The following SHISA9 variants were observed in gnomAD, a reference collection of about 807,000 sequenced individuals.
SHISA9 encodes the protein shisa family member 9, also known as protein shisa-9.
Under a neutral mutation model 38.0 loss-of-function variants are expected in SHISA9, and 13 were observed. The ratio of observed to expected loss-of-function variants is 0.34; its 90% CI spans 0.22 to 0.54. The LOEUF (loss-of-function observed/expected upper bound fraction) is 0.54, where lower values mean the gene tolerates loss of function less well. Ranked by LOEUF, SHISA9 falls within the 20% of genes least tolerant of loss-of-function variation. The pLI is 0.91. For missense variants in SHISA9, 538 were observed against 575.8 expected, an observed-to-expected ratio of 0.93 and a Z score of 0.67; for synonymous variants, 275 against 242.0, an observed-to-expected ratio of 1.14 and a Z score of -1.27.
the SHISA9 span, among the ~76,000 whole-genome samples, chr16:13,518,095 G>C: frequency 5.4e-4 from 82 of 152,224 alleles, 2 homozygotes; most frequent in East Asian, 0.015. Context: ...GTCTCTCCCT[G>C]CTTCTCCCCA....
intron 2 of SHISA9, among the ~76,000 whole-genome samples, chr16:13,039,489 T>G (rs960751860): frequency 6.5e-5 from 8 of 122,314 alleles, no homozygotes; most frequent in South Asian, 5.2e-4. Context: ...CATGGGGTTT[T>G]TTTTTTTTTT....
At chr16:13,206,800 C>T (rs1374414778) in intron 3 of SHISA9, among the ~76,000 whole-genome samples, 3 of 152,178 alleles carry the variant, frequency 2.0e-5, no homozygotes, top group African/African-American at 7.2e-5. Context: ...ACCACAGATT[C>T]CTTCTATTCC....
chr16:13,425,416 G>T, the SHISA9 span, among the ~76,000 whole-genome samples: 6 of 152,354 alleles, frequency 3.9e-5, no homozygotes, highest in African/African-American at 1.4e-4. Context: ...GAACCCAGGA[G>T]GTGTAGATTG....
intron 2 of SHISA9, among the ~76,000 whole-genome samples, chr16:12,930,800 T>C (rs905074154): frequency 6.6e-6 from 1 of 152,192 alleles, no homozygotes; most frequent in Non-Finnish European, 1.5e-5. Context: ...TTAACTATTA[T>C]TTTTAAAAGA....
chr16:13,558,131 C>G, the SHISA9 span, among the ~76,000 whole-genome samples: 6 of 151,792 alleles, frequency 4.0e-5, no homozygotes, highest in Admixed American at 1.3e-4. Flanking sequence ...TTCTACAGCT[C>G]TTACCAAATC....
chr16:13,057,196 G>A (rs2073321056), intron 2 of SHISA9, among the ~76,000 whole-genome samples: 1 of 152,156 alleles, frequency 6.6e-6, no homozygotes, highest in Non-Finnish European at 1.5e-5. Flanking sequence ...AGCTGTGGCA[G>A]CCTCCAGGGA....
chr16:13,155,657 G>C (rs2050538337), intron 2 of SHISA9, among the ~76,000 whole-genome samples: 1 of 152,080 alleles, frequency 6.6e-6, no homozygotes, highest in African/African-American at 2.4e-5. Context: ...CACTGTGCTA[G>C]TCAAGGTACC....
At chr16:13,425,686 T>C in the SHISA9 span, among the ~76,000 whole-genome samples, 4 of 152,086 alleles carry the variant, frequency 2.6e-5, no homozygotes, top group African/African-American at 9.7e-5. Context: ...TAAAAATAAA[T>C]ACCTTTTTAA....
chr16:13,494,906 A>G, the SHISA9 span, among the ~76,000 whole-genome samples: 5 of 152,314 alleles, frequency 3.3e-5, no homozygotes, highest in Non-Finnish European at 7.4e-5. Context: ...TGTTCTGTCT[A>G]TACATTGATA....
chr16:13,351,077 G>C, the SHISA9 span, among the ~76,000 whole-genome samples: 2 of 152,138 alleles, frequency 1.3e-5, no homozygotes, highest in Non-Finnish European at 2.9e-5. Flanking sequence ...TATATGAATT[G>C]TCTCAATTTT....
At chr16:13,268,497 A>G in the SHISA9 span, among the ~76,000 whole-genome samples, 5 of 151,508 alleles carry the variant, frequency 3.3e-5, no homozygotes. Flanking sequence ...TGACAAAAGC[A>G]AAACTCGGTC....
chr16:12,992,564 A>C (rs750252353), intron 2 of SHISA9, among the ~76,000 whole-genome samples: 1 of 151,900 alleles, frequency 6.6e-6, no homozygotes, highest in Non-Finnish European at 1.5e-5. Context: ...CAAAAAACCC[A>C]AAACAAAAAT....
the SHISA9 span, among the ~76,000 whole-genome samples, chr16:13,264,328 C>A: frequency 2.0e-5 from 3 of 152,004 alleles, no homozygotes; most frequent in African/African-American, 4.8e-5. Context: ...GTGGACGCCA[C>A]CATGCCTAAA....
chr16:12,930,310 TGTGGACTAAACCTTCA>T (rs1166201492), intron 2 of SHISA9, among the ~76,000 whole-genome samples: 1 of 152,242 alleles, frequency 6.6e-6, no homozygotes, highest in Non-Finnish European at 1.5e-5. Flanking sequence ...TCTTATTTCT[TGTGGACTAAACCTTCA>T]GTGCTGTTAT....
chr16:12,950,737 T>G (rs1324169311), intron 2 of SHISA9, among the ~76,000 whole-genome samples: 1 of 151,290 alleles, frequency 6.6e-6, no homozygotes, highest in Non-Finnish European at 1.5e-5. Context: ...GCCTCCTGAG[T>G]AGCTGGGATT....
chr16:13,167,223 C>T (rs1282397580), intron 2 of SHISA9, among the ~76,000 whole-genome samples: 1 of 151,916 alleles, frequency 6.6e-6, no homozygotes, highest in African/African-American at 2.4e-5. Context: ...CAGGCATGCA[C>T]CGCCACACCT....
the SHISA9 span, among the ~76,000 whole-genome samples, chr16:13,388,419 C>G: frequency 2.0e-5 from 3 of 151,502 alleles, no homozygotes; most frequent in African/African-American, 7.3e-5. Flanking sequence ...TCAAGCAATT[C>G]TCCTGCCTCA....
At chr16:12,904,152 A>G (rs996513888) in intron 1 of SHISA9, among the ~76,000 whole-genome samples, 9 of 152,150 alleles carry the variant, frequency 5.9e-5, no homozygotes, top group Admixed American at 3.3e-4. Flanking sequence ...CCCCAGCCCC[A>G]CCGGCCAGGC....
At chr16:13,527,447 G>A in the SHISA9 span, among the ~76,000 whole-genome samples, 1 of 152,344 alleles carries the variant, frequency 6.6e-6, no homozygotes, top group East Asian at 1.9e-4. Context: ...CCAGAGTTGA[G>A]AGGGGCAGAG....
Sources: gnomAD v4.1 joint callset for allele counts (sites outside exome capture counted in the v4.1 genomes callset) on GRCh38, gnomAD v4.1.1 for gene constraint, MANE v1.5 for transcripts, NCBI Gene and HGNC (gene_info 2026-07-23, HGNC 2026-07-21) for gene names.